The following SUSD1 variants were observed in gnomAD, a reference collection of about 807,000 sequenced individuals.
SUSD1 encodes sushi domain-containing protein 1.
SUSD1 carries 65 observed loss-of-function variants against 86.9 expected under a neutral mutation model. The ratio of observed to expected loss-of-function variants is 0.75; its 90% CI spans 0.61 to 0.92. SUSD1 has a LOEUF of 0.92. Among genes scored for constraint, SUSD1 ranks in the 40% least tolerant of loss-of-function variants. The pLI is 0.00. For missense variants in SUSD1, 850 were observed against 929.7 expected (o/e 0.91, Z 1.11); for synonymous variants, 346 against 350.0 (o/e 0.99, Z 0.13).
chr9:112,145,890 C>T (rs1376647361), intron 3 of SUSD1: 1 of 152,130 alleles, frequency 6.6e-6, no homozygotes, highest in Non-Finnish European at 1.5e-5. Flanking sequence ...AGAACATCTG[C>T]CTGTTCTCCA....
At chr9:112,041,723 T>C in intron 16 of SUSD1, 144 bp downstream of exon 16, 1 of 773,576 alleles carries the variant, frequency 1.3e-6, no homozygotes, top group Non-Finnish European at 2.2e-6. Flanking sequence ...GTCATGCCTT[T>C]CACCGCTGAG....
intron 10 of SUSD1, among the ~76,000 whole-genome samples, chr9:112,091,907 T>C (rs1007277850): frequency 2.0e-5 from 3 of 152,182 alleles, no homozygotes; most frequent in African/African-American, 4.8e-5. Flanking sequence ...TGTGACTATA[T>C]TACAAGGAGA....
chr9:112,139,073 G>T (rs1047751824), intron 5 of SUSD1, among the ~76,000 whole-genome samples: 1 of 152,190 alleles, frequency 6.6e-6, no homozygotes, highest in Non-Finnish European at 1.5e-5. Context: ...AGTATAGGAA[G>T]AATTTAAAAG....
At chr9:112,085,494 G>A (rs180839631) in intron 10 of SUSD1, among the ~76,000 whole-genome samples, 42 of 152,320 alleles carry the variant, frequency 2.8e-4, no homozygotes, top group Non-Finnish European at 4.6e-4. Context: ...TAACTTGTCC[G>A]AAGTTACAGA....
At position 112,096,693 on chromosome 9, in the gene SUSD1, C is replaced by T. The variant is rs190289071; in HGVS notation, c.1474+1777G>A. Among the ~76,000 whole-genome samples, 6 of 152,190 alleles carry T rather than the reference C, an allele frequency of 3.9e-5. No homozygotes were observed. The East Asian group carries it at 7.7e-4, about 20-fold the overall frequency. On this transcript the variant is annotated intron_variant, in intron 10 of 16. Transcript: ENST00000374270. The stretch of plus-strand genomic sequence containing the variant: ...TAGCTGGGACCACAGGCTTATGCCA[C>T]CACACCCAGCTAATTTTTGTATTGT...
chr9:112,133,555 T>A (rs1046889708), intron 5 of SUSD1, among the ~76,000 whole-genome samples: 25 of 152,152 alleles, frequency 1.6e-4, no homozygotes, highest in African/African-American at 6.0e-4. Context: ...TTACCGTACA[T>A]AAAAATTAAT....
rs554949941 is a variant in SUSD1, at chr9:112,069,255, T to TA, written c.1754-6223dup. On this transcript the variant is annotated intron_variant, in intron 12 of 16. Coordinates refer to ENST00000374270, the MANE Select transcript of SUSD1 (RefSeq NM_022486.5). Reference sequence around the variant, plus strand: ...GTCTAGAATTTCTCCCAGAGTCTCTTAGACACTGCAATATAGATCATGTTT... The same window carrying TA: ...GTCTAGAATTTCTCCCAGAGTCTCTTAAGACACTGCAATATAGATCATGTTT... Among the ~76,000 whole-genome samples, 13 of 152,258 alleles carry TA rather than the reference T, an allele frequency of 8.5e-5. No homozygotes were observed. In the South Asian group the frequency reaches 2.5e-3, roughly 29 times the overall value.
intron 12 of SUSD1, among the ~76,000 whole-genome samples, chr9:112,069,988 ATTTGTT>A (rs926220200): frequency 2.0e-5 from 3 of 151,542 alleles, no homozygotes; most frequent in Non-Finnish European, 4.4e-5. Flanking sequence ...ATTTTATTTT[ATTTGTT>A]TTTGTTTTTG....
In SUSD1 at chr9:112,080,067, C is replaced by A; in HGVS notation, c.1566+7G>T. On this transcript the variant is annotated splice_region_variant and intron_variant, in intron 11 of 16. Transcript: ENST00000374270. ...ATCTATAAATACAGTAACTTTCAGT[C>A]ACTTACTAAATACATCTCCTCCATA... is the stretch of plus-strand genomic sequence containing the variant. 1.3e-6 allele frequency: 2 copies of A among 1,596,744 alleles called. No individual in the cohort carries two copies. Among genetic ancestry groups the A allele is most frequent in the South Asian group, 2.2e-5 (2 of 90,604 alleles).
chr9:112,148,006 T>C (rs894434419), intron 3 of SUSD1, among the ~76,000 whole-genome samples: 5 of 152,246 alleles, frequency 3.3e-5, no homozygotes, highest in Non-Finnish European at 7.3e-5. Flanking sequence ...AAATCAAATG[T>C]ATCCTTTGAG....
intron 8 of SUSD1, 98 bp from the exon 9 acceptor site, chr9:112,102,383 A>G (rs1415104922): frequency 2.0e-6 from 1 of 510,390 alleles, no homozygotes; most frequent in Non-Finnish European, 3.4e-6. Flanking sequence ...TAAGAGAGCC[A>G]ATTGGGTGTT....
chr9:112,165,942 G>GAAAGAAGA (rs11377595), intron 1 of SUSD1, among the ~76,000 whole-genome samples: 4 of 71,962 alleles, frequency 5.6e-5, no homozygotes, highest in Non-Finnish European at 8.2e-5. Context: ...AAGAAAGAAA[G>GAAAGAAGA]AAGAAAGAAA....
intron 1 of SUSD1, among the ~76,000 whole-genome samples, chr9:112,170,484 G>A (rs1249920522): frequency 6.6e-6 from 1 of 151,684 alleles, no homozygotes; most frequent in African/African-American, 2.4e-5. Flanking sequence ...CTACCCTCTG[G>A]ACTCCCCTGG....
At chr9:112,084,734 G>A (rs906235581) in intron 10 of SUSD1, among the ~76,000 whole-genome samples, 18 of 152,222 alleles carry the variant, frequency 1.2e-4, no homozygotes, top group Non-Finnish European at 1.9e-4. Flanking sequence ...AGATACGTGC[G>A]GTGGTCTCTC....
chr9:112,050,726 G>A (rs1255078902), intron 15 of SUSD1, among the ~76,000 whole-genome samples: 1 of 152,162 alleles, frequency 6.6e-6, no homozygotes, highest in Non-Finnish European at 1.5e-5. Flanking sequence ...AACTCAACAA[G>A]ATTTCTGGTA....
chr9:112,062,550 C>T (rs978829234), intron 13 of SUSD1, among the ~76,000 whole-genome samples: 3 of 152,008 alleles, frequency 2.0e-5, no homozygotes, highest in Admixed American at 6.6e-5. Context: ...CAAAAATTAG[C>T]CAGGTGTGGT....
intron 3 of SUSD1, among the ~76,000 whole-genome samples, chr9:112,145,277 CCT>C (rs530460063): frequency 0.032 from 4,002 of 125,138 alleles, 181 homozygotes; most frequent in East Asian, 0.2. Context: ...ACCATAATTT[CCT>C]TTTTTTTTTT....
intron 8 of SUSD1, among the ~76,000 whole-genome samples, chr9:112,107,270 A>G (rs531887540): frequency 4.8e-4 from 71 of 148,630 alleles, no homozygotes; most frequent in African/African-American, 8.4e-4. Context: ...AAAAAAAAAA[A>G]AAAGAAAAGA....
At chr9:112,172,224 C>T (rs888874040) in intron 1 of SUSD1, among the ~76,000 whole-genome samples, 3 of 151,688 alleles carry the variant, frequency 2.0e-5, no homozygotes, top group African/African-American at 4.8e-5. Context: ...GTATCTACTC[C>T]GTAAACAAGG....
Sources: allele counts gnomAD v4.1 joint callset (sites outside exome capture counted in the v4.1 genomes callset), GRCh38; gene constraint gnomAD v4.1.1; transcripts MANE v1.5; gene names NCBI Gene and HGNC (gene_info 2026-07-23, HGNC 2026-07-21).